Variants in GMDS observed in about 807,000 individuals in gnomAD.
GMDS encodes GDP-mannose 4,6-dehydratase.
Under a neutral mutation model 49.9 loss-of-function variants are expected in GMDS, and 20 were observed. That is an observed-to-expected ratio of 0.40 (90% confidence interval 0.28 to 0.58). The LOEUF (loss-of-function observed/expected upper bound fraction) is 0.58. GMDS is among the 20% of genes least tolerant of loss of function. The probability of loss-of-function intolerance (pLI) is 0.42; values close to 1 mark genes in which losing one functional copy is unlikely to be tolerated. For missense variants in GMDS, 362 were observed against 481.4 expected (o/e 0.75, Z 2.32); for synonymous variants, 177 against 178.6 (o/e 0.99, Z 0.07).
intron 9 of GMDS, among the ~76,000 whole-genome samples, chr6:1,683,125 T>G (rs1758758920): frequency 6.6e-6 from 1 of 152,120 alleles, no homozygotes; most frequent in African/African-American, 2.4e-5. Context: ...GCTCTAGGTT[T>G]CTTTTGTTTG....
chr6:1,671,042 A>C (rs1472982204), intron 9 of GMDS, among the ~76,000 whole-genome samples: 2 of 152,176 alleles, frequency 1.3e-5, no homozygotes, highest in Non-Finnish European at 2.9e-5. Context: ...CCTTGCAGCG[A>C]CTGTGGGGGC....
At chr6:1,631,700 T>C (rs1218392116) in intron 9 of GMDS, among the ~76,000 whole-genome samples, 1 of 152,006 alleles carries the variant, frequency 6.6e-6, no homozygotes, top group East Asian at 1.9e-4. Flanking sequence ...ATAAATAACG[T>C]AACAGGGTCA....
intron 1 of GMDS, among the ~76,000 whole-genome samples, chr6:2,224,939 T>C (rs1780750765): frequency 6.6e-6 from 1 of 152,180 alleles, no homozygotes; most frequent in African/African-American, 2.4e-5. Flanking sequence ...GCTGAATAAT[T>C]ACTTGAAAGT....
chr6:2,193,209 A>C (rs979767438), intron 1 of GMDS, among the ~76,000 whole-genome samples: 18 of 152,232 alleles, frequency 1.2e-4, no homozygotes, highest in Non-Finnish European at 1.9e-4. Context: ...CTGAATATTC[A>C]CGTGGGTAAA....
At position 2,204,166 on chromosome 6, in the gene GMDS, G is replaced by A. The variant is rs573831612; in HGVS notation, c.102+41155C>T. On this transcript the variant is annotated intron_variant, in intron 1 of 10. Transcript: ENST00000380815. ...CAAGTATACATCATCAATCACCACA[G>A]CTGTGGGCTGGTCTGTGATCGGGTC... Among the ~76,000 whole-genome samples, 3 of 152,266 alleles carry A rather than the reference G, an allele frequency of 2.0e-5. No homozygotes were observed. The South Asian group carries it at 6.2e-4, about 32-fold the overall frequency.
chr6:1,792,137 A>G (rs902612972), intron 7 of GMDS, among the ~76,000 whole-genome samples: 2 of 152,154 alleles, frequency 1.3e-5, no homozygotes, highest in Non-Finnish European at 2.9e-5. Context: ...AGTAGCAATT[A>G]TTAGTTTCTA....
chr6:1,919,206 G>C (rs1474277231), intron 7 of GMDS, among the ~76,000 whole-genome samples: 1 of 152,182 alleles, frequency 6.6e-6, no homozygotes, highest in African/African-American at 2.4e-5. Context: ...CCCCAAGAGA[G>C]ACCGACATGA....
intron 1 of GMDS, among the ~76,000 whole-genome samples, chr6:2,162,951 C>T (rs150364200): frequency 1.5e-4 from 23 of 152,274 alleles, no homozygotes; most frequent in East Asian, 1.3e-3. Flanking sequence ...ACTCTATCGG[C>T]TCTGGGACTA....
intron 4 of GMDS, among the ~76,000 whole-genome samples, chr6:1,967,213 T>G (rs540566179): frequency 6.6e-6 from 1 of 152,332 alleles, no homozygotes; most frequent in East Asian, 1.9e-4. Flanking sequence ...ACGTTAACTT[T>G]AAACTTTTAT....
intron 1 of GMDS, among the ~76,000 whole-genome samples, chr6:2,202,962 T>G (rs1340703424): frequency 6.6e-6 from 1 of 152,164 alleles, no homozygotes; most frequent in African/African-American, 2.4e-5. Context: ...GGGTCTGGGC[T>G]GTGCACCCCC....
At chr6:1,684,534 C>A (rs964310485) in intron 9 of GMDS, among the ~76,000 whole-genome samples, 2 of 152,100 alleles carry the variant, frequency 1.3e-5, no homozygotes, top group African/African-American at 4.8e-5. Flanking sequence ...ACAGACACAC[C>A]GGGGAACATG....
chr6:2,076,627 C>T (rs1382309930), intron 4 of GMDS, among the ~76,000 whole-genome samples: 1 of 152,174 alleles, frequency 6.6e-6, no homozygotes, highest in Non-Finnish European at 1.5e-5. Context: ...ACTATCTGAT[C>T]TTTGACAAAC....
rs11390421 is a variant in GMDS at position 2,058,338 on chromosome 6, CAAAA to C, written c.345+57429_345+57432del. On this transcript the variant is annotated intron_variant, in intron 4 of 10. Coordinates refer to ENST00000380815, the MANE Select transcript of GMDS (RefSeq NM_001500.4). ...CCAGCCTATGTGACAGAGTAAGACTCAAAAAAAAAAAAAAAAGCTGAAAAGAGAA... is the reference window on the plus strand; with the variant it reads ...CCAGCCTATGTGACAGAGTAAGACTCAAAAAAAAAAAAGCTGAAAAGAGAA... Among the ~76,000 whole-genome samples, 6 of 90,316 alleles carry C rather than the reference CAAAA, an allele frequency of 6.6e-5. No individual in the cohort carries two copies. In the South Asian group the frequency reaches 1.8e-3, roughly 28 times the overall value. 59.3% of individuals were successfully genotyped at this position (90,316 alleles called of 152,430 possible). A position where few individuals can be genotyped will look rare whatever the true frequency, so the allele number is the denominator to read the frequency against.
intron 4 of GMDS, among the ~76,000 whole-genome samples, chr6:2,014,442 G>A (rs777371865): frequency 2.6e-5 from 4 of 152,030 alleles, no homozygotes; most frequent in Non-Finnish European, 4.4e-5. Flanking sequence ...GAAGGGAGAT[G>A]TTCAAAATAC....
chr6:2,035,197 T>C (rs73410461), intron 4 of GMDS, among the ~76,000 whole-genome samples: 5,169 of 152,284 alleles, frequency 0.034, 217 homozygotes, highest in South Asian at 0.097. Context: ...GGCTACACCA[T>C]GTGGAGGGAA....
intron 9 of GMDS, chr6:1,625,644 A>G (rs762282925): frequency 6.6e-6 from 1 of 152,280 alleles, no homozygotes; most frequent in Non-Finnish European, 1.5e-5. Context: ...ACTGACTGAC[A>G]TGAAGGTTGA....
chr6:2,028,163 T>C (rs1407050502), intron 4 of GMDS, among the ~76,000 whole-genome samples: 2 of 152,240 alleles, frequency 1.3e-5, no homozygotes, highest in African/African-American at 2.4e-5. Flanking sequence ...GTAAAATGAA[T>C]ACTTTTGTTC....
At chr6:2,214,305 C>T (rs1021729672) in intron 1 of GMDS, among the ~76,000 whole-genome samples, 5 of 152,078 alleles carry the variant, frequency 3.3e-5, no homozygotes, top group South Asian at 2.1e-4. Context: ...TCAGAGTAAC[C>T]GAATACAGTT....
chr6:1,919,242 C>T (rs776605827), intron 7 of GMDS, among the ~76,000 whole-genome samples: 1 of 152,166 alleles, frequency 6.6e-6, no homozygotes, highest in African/African-American at 2.4e-5. Context: ...CCTGACTGCT[C>T]CTCAGAGGTC....
Sources: allele counts gnomAD v4.1 joint callset (sites outside exome capture counted in the v4.1 genomes callset), GRCh38; gene constraint gnomAD v4.1.1; transcripts MANE v1.5; gene names NCBI Gene and HGNC (gene_info 2026-07-23, HGNC 2026-07-21).